Variants in PTPRJ observed in about 807,000 individuals in gnomAD.
The protein encoded by PTPRJ is receptor-type tyrosine-protein phosphatase eta.
Under a neutral mutation model 141.3 loss-of-function variants are expected in PTPRJ, and 129 were observed. The observed-to-expected ratio is 0.91, with a 90% CI of 0.79 to 1.06. PTPRJ has a LOEUF of 1.06. PTPRJ is among the 50% of genes least tolerant of loss of function. The probability of loss-of-function intolerance (pLI) is 0.00; values close to 1 mark genes in which losing one functional copy is unlikely to be tolerated. For missense variants in PTPRJ, 1,601 were observed against 1,679.7 expected, an observed-to-expected ratio of 0.95 and a Z score of 0.82; for synonymous variants, 610 against 640.5, an observed-to-expected ratio of 0.95 and a Z score of 0.72.
At chr11:48,064,736 TG>T (rs920529863) in intron 1 of PTPRJ, among the ~76,000 whole-genome samples, 2 of 152,032 alleles carry the variant, frequency 1.3e-5, no homozygotes, top group Admixed American at 1.3e-4. Context: ...CCTGAGTAGC[TG>T]GGATTACAGG....
At chr11:48,147,768 G>A (rs1857385312) in intron 15 of PTPRJ, among the ~76,000 whole-genome samples, 1 of 152,192 alleles carries the variant, frequency 6.6e-6, no homozygotes, top group Non-Finnish European at 1.5e-5. Context: ...TCCTCATGCG[G>A]CCCAGGCCGG....
rs1856633960 is a variant in PTPRJ at position 48,118,959 on chromosome 11, G to A, written c.353-2044G>A. ...CGCCTGAACCCGGGAGGCAGAGGTT[G>A]CAGTGAGCCAAGATCACGCCACTAC... On this transcript the variant is annotated intron_variant, in intron 3 of 24. Coordinates refer to ENST00000418331, the MANE Select transcript of PTPRJ (RefSeq NM_002843.4). 2.8e-5 allele frequency among the ~76,000 whole-genome samples: 4 copies of A among 141,864 alleles called. No individual in the cohort carries two copies. The South Asian group carries it at 9.0e-4, about 32-fold the overall frequency. 93.1% of individuals were successfully genotyped at this position (141,864 alleles called of 152,430 possible). A position where few individuals can be genotyped will look rare whatever the true frequency, so the allele number is the denominator to read the frequency against.
At chr11:48,114,832 A>G (rs1240050075) in intron 3 of PTPRJ, among the ~76,000 whole-genome samples, 1 of 152,260 alleles carries the variant, frequency 6.6e-6, no homozygotes, top group African/African-American at 2.4e-5. Flanking sequence ...AGAAATGAGG[A>G]AAACAATAAG....
intron 1 of PTPRJ, among the ~76,000 whole-genome samples, chr11:48,076,502 C>T (rs1165391961): frequency 1.3e-5 from 2 of 152,102 alleles, no homozygotes; most frequent in Non-Finnish European, 2.9e-5. Context: ...GGCCTTCTTC[C>T]CTTTTTTGGT....
intron 1 of PTPRJ, 25 bp from the exon 2 acceptor site, chr11:48,110,033 C>T (rs368538127): frequency 5.6e-6 from 9 of 1,613,450 alleles, no homozygotes; most frequent in Admixed American, 5.0e-5. Flanking sequence ...AATCTGCTGA[C>T]TTCCGTTTTC....
rs1854481316 is a variant in PTPRJ, at chr11:48,000,939, C to T, written c.96+19931C>T. 2.0e-5 allele frequency among the ~76,000 whole-genome samples: 3 copies of T among 151,234 alleles called. No individual in the cohort carries two copies. In the South Asian group the frequency reaches 6.3e-4, roughly 32 times the overall value. The stretch of plus-strand genomic sequence containing the variant: ...ACCCTGACATGGAGCTGGTATTATC[C>T]ACAGGTTACAATGGACTGGACCTCC... On this transcript the variant is annotated intron_variant, in intron 1 of 24. Transcript: ENST00000418331.
intron 1 of PTPRJ, chr11:48,046,203 T>C (rs1366573290): frequency 1.3e-5 from 2 of 152,076 alleles, no homozygotes; most frequent in African/African-American, 2.4e-5. Flanking sequence ...TGTACCACTA[T>C]GTCTGGCTAA....
chr11:48,159,336 G>T (rs1857704552), intron 21 of PTPRJ, among the ~76,000 whole-genome samples: 1 of 152,104 alleles, frequency 6.6e-6, no homozygotes, highest in African/African-American at 2.4e-5. Context: ...GAAAGCCTTG[G>T]GAAAAAGTCC....
intron 1 of PTPRJ, among the ~76,000 whole-genome samples, chr11:48,019,598 C>T (rs1387777918): frequency 2.0e-5 from 3 of 152,192 alleles, no homozygotes; most frequent in African/African-American, 7.2e-5. Context: ...CTGTGTGAGA[C>T]TCAGGAACAT....
chr11:48,084,031 A>G (rs1855632197), intron 1 of PTPRJ, among the ~76,000 whole-genome samples: 1 of 152,222 alleles, frequency 6.6e-6, no homozygotes, highest in South Asian at 2.1e-4. Context: ...GCTATGAACA[A>G]AAGTTTTCTA....
At chr11:48,005,201 G>A (rs1407072524) in intron 1 of PTPRJ, among the ~76,000 whole-genome samples, 2 of 151,410 alleles carry the variant, frequency 1.3e-5, no homozygotes, top group African/African-American at 4.9e-5. Flanking sequence ...CAGCCTGGAC[G>A]ACAGAGTGAG....
intron 1 of PTPRJ, among the ~76,000 whole-genome samples, chr11:47,989,288 C>T (rs557849132): frequency 1.5e-4 from 22 of 148,670 alleles, no homozygotes; most frequent in Non-Finnish European, 2.8e-4. Context: ...TTTTTTGAGA[C>T]AGAGTTTTGC....
At chr11:48,057,148 C>G (rs898460859) in intron 1 of PTPRJ, among the ~76,000 whole-genome samples, 2 of 152,170 alleles carry the variant, frequency 1.3e-5, no homozygotes, top group Non-Finnish European at 2.9e-5. Context: ...TAAAATGGTG[C>G]TAATGATACA....
chr11:48,168,581 T>TATATAC lies in PTPRJ; in HGVS notation c.*1220_*1221insTATACA, dbSNP rs1565338067. On this transcript the variant is annotated 3_prime_UTR_variant, in exon 25 of 25. Transcript: ENST00000418331. ...ATATATATATATATATATATATATA[T>TATATAC]ACACTAAGCTCTCAAAAACAGTCAT... 4 of 117,598 alleles carry TATATAC rather than the reference T, an allele frequency of 3.4e-5. No individual in the cohort carries two copies. Among genetic ancestry groups the TATATAC allele is most frequent in the African/African-American group, 6.4e-5 (2 of 31,422 alleles). The allele number at this position is 117,598 out of a possible 1,614,324, so 7.3% of individuals were successfully genotyped here.
intron 1 of PTPRJ, among the ~76,000 whole-genome samples, chr11:48,021,585 G>T (rs1029567141): frequency 6.6e-6 from 1 of 151,944 alleles, no homozygotes; most frequent in Non-Finnish European, 1.5e-5. Flanking sequence ...TAAAATTTCA[G>T]CCATTGTGTA....
At chr11:48,126,365 A>T (rs1258029122) in intron 6 of PTPRJ, among the ~76,000 whole-genome samples, 1 of 152,054 alleles carries the variant, frequency 6.6e-6, no homozygotes, top group Admixed American at 6.5e-5. Context: ...AATAATCATT[A>T]TAGTAGCCTT....
At chr11:48,144,481 G>C (rs1033869104) in intron 12 of PTPRJ, among the ~76,000 whole-genome samples, 194 bp from the exon 13 acceptor site, 1 of 152,184 alleles carries the variant, frequency 6.6e-6, no homozygotes, top group Non-Finnish European at 1.5e-5. Context: ...TATGTGATGG[G>C]ATTCATGGGG....
At chr11:48,159,904 C>G (rs1160964920) in intron 21 of PTPRJ, 26 bp from the exon 22 acceptor site, 1 of 1,612,794 alleles carries the variant, frequency 6.2e-7, no homozygotes, top group Admixed American at 1.7e-5. Flanking sequence ...TCTGAGTCTT[C>G]TTATAAAAAT....
intron 1 of PTPRJ, among the ~76,000 whole-genome samples, chr11:48,088,100 G>A (rs1361939902): frequency 6.6e-6 from 1 of 152,190 alleles, no homozygotes; most frequent in Non-Finnish European, 1.5e-5. Context: ...CCCAGCACAG[G>A]TCTTTGGAGG....
Sources: gnomAD v4.1 joint callset for allele counts (sites outside exome capture counted in the v4.1 genomes callset) on GRCh38, gnomAD v4.1.1 for gene constraint, MANE v1.5 for transcripts, NCBI Gene and HGNC (gene_info 2026-07-23, HGNC 2026-07-21) for gene names.